HOXA7: variants seen among roughly 807,000 people sequenced by gnomAD.
HOXA7 encodes homeobox protein Hox-A7.
A neutral mutation model predicts 16.8 loss-of-function variants in HOXA7; 16 were observed. The observed-to-expected ratio is 0.95, with a 90% CI of 0.64 to 1.44. The LOEUF (loss-of-function observed/expected upper bound fraction) is 1.44, where lower values mean the gene tolerates loss of function less well. Ranked by LOEUF, HOXA7 falls within the 40% of genes most tolerant of loss-of-function variation. The pLI, the probability that HOXA7 is intolerant of heterozygous loss-of-function variation, is 0.00. For synonymous variants in HOXA7, 169 were observed against 144.3 expected (o/e 1.17, Z -1.23); for missense variants, 379 against 328.6 (o/e 1.15, Z -1.19).
Position 27,154,969 on chromosome 7 carries a change from A to G in HOXA7, c.633T>C (p.Ala211=). ...CCTCCTCGTCGGCCTTGTCCGCGGCAGCAGTGGCGGCGGCAGAGGGCACGG... is the reference window on the plus strand; with the variant it reads ...CCTCCTCGTCGGCCTTGTCCGCGGCGGCAGTGGCGGCGGCAGAGGGCACGG... ...EGAVPSAAAT[A]AADKADEEDD... is the part of the protein sequence containing the mutation. Residue 211 remains alanine (A), a synonymous_variant, in exon 2 of 2, where the codon GCT becomes GCC. Coordinates refer to ENST00000242159, the MANE Select transcript of HOXA7 (RefSeq NM_006896.4). 1 of 1,613,244 alleles carries G rather than the reference A, an allele frequency of 6.2e-7. No homozygotes were observed. The highest frequency in any genetic ancestry group is 8.5e-7 in the Non-Finnish European group (1 of 1,179,448).
Position 27,156,314 on chromosome 7 carries a change from C to A in HOXA7, c.232G>T (p.Gly78Cys). Residue 78 changes from glycine (G) to cysteine (C), a missense_variant, in exon 1 of 2, where the codon GGC becomes TGC. Transcript: ENST00000242159. ...TCGTAGGAGGCGCAGGGCAGGTTGC[C>A]GTAGGCGTCGGCGCCCAGGCCGTAG... Reference protein sequence around the residue: ...SGYGLGADAYGNLPCASYDQN... With the variant: ...SGYGLGADAYCNLPCASYDQN... The A allele has an allele frequency of 6.2e-7, 1 of 1,613,908 alleles. No individual in the cohort carries two copies. Among genetic ancestry groups the A allele is most frequent in the Non-Finnish European group, 8.5e-7 (1 of 1,179,958 alleles).
In HOXA7 at chr7:27,156,587, G is replaced by T. The variant is rs909321978; in HGVS notation, c.-42C>A. On this transcript the variant is annotated 5_prime_UTR_variant, in exon 1 of 2. Coordinates refer to ENST00000242159, the MANE Select transcript of HOXA7 (RefSeq NM_006896.4). ...TTGTTGTCCGGCAGCTTTCAGTGTC[G>T]GTTTTACGAGGTAGAGTGATATATG... 6.5e-7 allele frequency: 1 copy of T among 1,532,698 alleles called. No homozygotes were observed. The highest frequency in any genetic ancestry group is 8.8e-7 in the Non-Finnish European group (1 of 1,136,842). 94.9% of individuals were successfully genotyped at this position (1,532,698 alleles called of 1,614,324 possible). A position where few individuals can be genotyped will look rare whatever the true frequency, so the allele number is the denominator to read the frequency against.
intron 1 of HOXA7, chr7:27,155,816 G>T (rs1262163971): frequency 1.4e-5 from 3 of 211,126 alleles, no homozygotes; most frequent in Non-Finnish European, 2.8e-5. Flanking sequence ...GAAGAAGAAA[G>T]GGAGGGAGGG....
Position 27,156,524 on chromosome 7 carries a change from T to C in HOXA7, c.22A>G (p.Asn8Asp), listed in dbSNP as rs758495730. 12 of 1,584,836 alleles carry C rather than the reference T, an allele frequency of 7.6e-6. No homozygotes were observed. Among genetic ancestry groups the C allele is most frequent in the Non-Finnish European group, 8.6e-6 (10 of 1,163,562 alleles). Residue 8 changes from asparagine to aspartate, a missense_variant, in exon 1 of 2, where the codon AAC becomes GAC. Coordinates refer to ENST00000242159, the MANE Select transcript of HOXA7 (RefSeq NM_006896.4). MSSSYYV[N>D]ALFSKYTAGA... is the part of the protein sequence containing the mutation. ...GCCGTATATTTGCTAAAAAGCGCGT[T>C]CACATAATACGAAGAACTCATAATT...
chr7:27,154,853 T>C lies in HOXA7; in HGVS notation c.*56A>G. 4.6e-6 allele frequency: 7 copies of C among 1,531,746 alleles called. No individual in the cohort carries two copies. Among genetic ancestry groups the C allele is most frequent in the South Asian group, 2.5e-5 (2 of 78,562 alleles). The allele number at this position is 1,531,746 out of a possible 1,614,324, so 94.9% of individuals were successfully genotyped here. A position where few individuals can be genotyped will look rare whatever the true frequency, so the allele number is the denominator to read the frequency against. On this transcript the variant is annotated 3_prime_UTR_variant, in exon 2 of 2. Coordinates refer to ENST00000242159, the MANE Select transcript of HOXA7 (RefSeq NM_006896.4). ...CATTTTTGTAAGTAAAACCAGTGAG[T>C]CTCTTAAAGACGCTTTTCCGACTGT...
rs1179094419 is a variant in HOXA7, at chr7:27,156,546, A to T, written c.-1T>A. 3 of 1,563,666 alleles carry T rather than the reference A, an allele frequency of 1.9e-6. No homozygotes were observed. Among genetic ancestry groups the T allele is most frequent in the Admixed American group, 1.9e-5 (1 of 53,062 alleles). On this transcript the variant is annotated 5_prime_UTR_variant, in exon 1 of 2. Transcript: ENST00000242159. ...CGTTCACATAATACGAAGAACTCATAATTTTGACCTGTGATTTGTTGTCCG... is the reference window on the plus strand; with the variant it reads ...CGTTCACATAATACGAAGAACTCATTATTTTGACCTGTGATTTGTTGTCCG...
At position 27,156,673 on chromosome 7, in the gene HOXA7, A is replaced by G. The variant is rs1289769615; in HGVS notation, c.-128T>C. 2.9e-6 allele frequency: 3 copies of G among 1,019,944 alleles called. No homozygotes were observed. Among genetic ancestry groups the G allele is most frequent in the Non-Finnish European group, 1.4e-6 (1 of 701,614 alleles). 63.2% of individuals were successfully genotyped at this position (1,019,944 alleles called of 1,614,324 possible). On this transcript the variant is annotated 5_prime_UTR_variant, in exon 1 of 2. Transcript: ENST00000242159. ...TTTTCTTTTGGACGGAGCTCGCCGC[A>G]GCACGTGACCGCCCACATGACCGCC...
At position 27,156,296 on chromosome 7, in the gene HOXA7, A is replaced by C. The variant is rs144742215; in HGVS notation, c.250T>G (p.Ser84Ala). The change falls in exon 1 of 2, where the codon TCC becomes GCC. Residue 84 changes from serine to alanine, a missense_variant. By Grantham distance (99) the Ser-to-Ala change is moderately conservative. Coordinates refer to ENST00000242159, the MANE Select transcript of HOXA7 (RefSeq NM_006896.4). ...AGCCCGGGGATGTTTTGGTCGTAGG[A>C]GGCGCAGGGCAGGTTGCCGTAGGCG... ...ADAYGNLPCA[S>A]YDQNIPGLCS... 2 of 1,613,744 alleles carry C rather than the reference A, an allele frequency of 1.2e-6. No homozygotes were observed. The highest frequency in any genetic ancestry group is 2.2e-5 in the East Asian group (1 of 44,878).
intron 1 of HOXA7, 135 bp from the exon 2 acceptor site, chr7:27,155,357 G>A (rs992699178): frequency 2.5e-6 from 2 of 807,686 alleles, no homozygotes; most frequent in Non-Finnish European, 4.0e-6. Flanking sequence ...CCCAGGCCCC[G>A]AACTGAGCTA....
Position 27,154,922 on chromosome 7 carries a change from T to A in HOXA7, c.680A>T (p.Asp227Val). The A allele has an allele frequency of 6.2e-7, 1 of 1,609,408 alleles. No individual in the cohort carries two copies. Among genetic ancestry groups the A allele is most frequent in the South Asian group, 1.1e-5 (1 of 90,958 alleles). Residue 227 changes from aspartate to valine, a missense_variant, in exon 2 of 2, where the codon GAC (aspartate) becomes GTC (valine). By Grantham distance (152) the Asp-to-Val change is radical (BLOSUM62 -3). Transcript: ENST00000242159. Reference sequence around the variant, plus strand: ...CGGATCGGCCCCTCATTCCTCCTCGTCTTCCTCTTCTTCATCATCGTCCTC... The same window carrying A: ...CGGATCGGCCCCTCATTCCTCCTCGACTTCCTCTTCTTCATCATCGTCCTC... ...DEEDDDEEEE[D>V]EEE
intron 1 of HOXA7, 165 bp downstream of exon 1, chr7:27,156,002 C>T (rs2128066280): frequency 2.5e-6 from 2 of 797,558 alleles, no homozygotes; most frequent in Non-Finnish European, 3.5e-6. Flanking sequence ...GCCTCCGCTC[C>T]AATTAAAACC....
rs371532380 is a variant in HOXA7 at position 27,156,508 on chromosome 7, T to C, written c.38A>G (p.Lys13Arg). 3.8e-5 allele frequency: 61 copies of C among 1,587,008 alleles called. No individual in the cohort carries two copies. The highest frequency in any genetic ancestry group is 5.2e-5 in the Non-Finnish European group (61 of 1,164,288). Reference sequence around the variant, plus strand: ...GAACAGAGAAGCCCCCGCCGTATATTTGCTAAAAAGCGCGTTCACATAATA... The same window carrying C: ...GAACAGAGAAGCCCCCGCCGTATATCTGCTAAAAAGCGCGTTCACATAATA... Reference protein sequence around the residue: ...SSYYVNALFSKYTAGASLFQN... With the variant: ...SSYYVNALFSRYTAGASLFQN... Residue 13 changes from lysine to arginine, a missense_variant, in exon 1 of 2, where the codon AAA (lysine) becomes AGA (arginine). By Grantham distance (26) the Lys-to-Arg change is conservative. Coordinates refer to ENST00000242159, the MANE Select transcript of HOXA7 (RefSeq NM_006896.4).
In HOXA7 at chr7:27,154,672, A is replaced by G; in HGVS notation, c.*237T>C. On this transcript the variant is annotated 3_prime_UTR_variant, in exon 2 of 2. Coordinates refer to ENST00000242159, the MANE Select transcript of HOXA7 (RefSeq NM_006896.4). ...TGGGGGTGTCTTTTGGGGTCCTCGG[A>G]GGCAGAGGGAATCCAAGGCGACCCA... is the stretch of plus-strand genomic sequence containing the variant. 3 of 593,140 alleles carry G rather than the reference A, an allele frequency of 5.1e-6. No individual in the cohort carries two copies. Among genetic ancestry groups the G allele is most frequent in the Non-Finnish European group, 2.8e-6 (1 of 352,326 alleles). 36.7% of individuals were successfully genotyped at this position (593,140 alleles called of 1,614,324 possible).
At position 27,154,932 on chromosome 7, in the gene HOXA7, C is replaced by A; in HGVS notation, c.670G>T (p.Glu224Ter). ...CCTCATTCCTCCTCGTCTTCCTCTT[C>A]TTCATCATCGTCCTCCTCGTCGGCC... ...DKADEEDDDE[E>*]EEDEEE Residue 224 changes from glutamate to a stop codon, truncating the protein, a stop_gained, in exon 2 of 2, where the codon GAA becomes TAA. Coordinates refer to ENST00000242159, the MANE Select transcript of HOXA7 (RefSeq NM_006896.4). LOFTEE classifies it high-confidence loss of function. The A allele has an allele frequency of 6.2e-7, 1 of 1,611,244 alleles. No individual in the cohort carries two copies. The highest frequency in any genetic ancestry group is 1.3e-5 in the African/African-American group (1 of 74,932).
At position 27,156,375 on chromosome 7, in the gene HOXA7, G is replaced by A. The variant is rs117316017; in HGVS notation, c.171C>T (p.Val57=). ...FASTVPGLYN[V]NSPLYQSPFA... ...AGGGGCTCTGATAAAGGGGGCTGTT[G>A]ACATTGTATAAGCCCGGAACGGTCG... The change falls in exon 1 of 2, where the codon GTC becomes GTT. Residue 57 remains valine, a synonymous_variant. Transcript: ENST00000242159. The A allele has an allele frequency of 3.8e-3, 6,070 of 1,613,954 alleles. 15 individuals carry two copies. Among genetic ancestry groups the A allele is most frequent in the Non-Finnish European group, 4.5e-3 (5,359 of 1,179,894 alleles).
Position 27,154,836 on chromosome 7 carries a change from TA to T in HOXA7, c.*72del, listed in dbSNP as rs1468861243. 4.6e-6 allele frequency: 7 copies of T among 1,510,014 alleles called. No homozygotes were observed. In the East Asian group the frequency reaches 1.6e-4, roughly 35 times the overall value. 93.5% of individuals were successfully genotyped at this position (1,510,014 alleles called of 1,614,324 possible). On this transcript the variant is annotated 3_prime_UTR_variant, in exon 2 of 2. Transcript: ENST00000242159. ...TTTTCTTTTATTTTTCCCATTTTTG[TA>T]AGTAAAACCAGTGAGTCTCTTAAAG...
At position 27,153,944 on chromosome 7, in the gene HOXA7, C is replaced by G. The variant is rs1399188504; in HGVS notation, c.*965G>C. ...AACACATCCTTTCCAAGTCAAGACA[C>G]TGCCTTACAAATGAACTCCAAGACT... On this transcript the variant is annotated 3_prime_UTR_variant, in exon 2 of 2. Coordinates refer to ENST00000242159, the MANE Select transcript of HOXA7 (RefSeq NM_006896.4). 2 of 152,646 alleles carry G rather than the reference C, an allele frequency of 1.3e-5. No individual in the cohort carries two copies. The allele number at this position is 152,646 out of a possible 1,614,324, so 9.5% of individuals were successfully genotyped here. A position where few individuals can be genotyped will look rare whatever the true frequency, so the allele number is the denominator to read the frequency against.
At position 27,155,245 on chromosome 7, in the gene HOXA7, A is replaced by G; in HGVS notation, c.380-23T>C. On this transcript the variant is annotated intron_variant, in intron 1 of 1. Coordinates refer to ENST00000242159, the MANE Select transcript of HOXA7 (RefSeq NM_006896.4). Reference sequence around the variant, plus strand: ...GTCCTGAGAACAGACATGCAGACACATGAACACAAGGACAGACAAGTAGAC... The same window carrying G: ...GTCCTGAGAACAGACATGCAGACACGTGAACACAAGGACAGACAAGTAGAC... 3.7e-6 allele frequency: 6 copies of G among 1,609,844 alleles called. No individual in the cohort carries two copies. The East Asian group carries it at 8.9e-5, about 24-fold the overall frequency.
chr7:27,154,052 G>C lies in HOXA7; in HGVS notation c.*857C>G, dbSNP rs1265937371. On this transcript the variant is annotated 3_prime_UTR_variant, in exon 2 of 2. Coordinates refer to ENST00000242159, the MANE Select transcript of HOXA7 (RefSeq NM_006896.4). ...CATCAGGGCGTACATATTTAACACA[G>C]CTGAACAGTAAGATACAGGAGCCAG... 2 of 152,402 alleles carry C rather than the reference G, an allele frequency of 1.3e-5. No homozygotes were observed. Among genetic ancestry groups the C allele is most frequent in the African/African-American group, 4.8e-5 (2 of 41,480 alleles). The allele number at this position is 152,402 out of a possible 1,614,324, so 9.4% of individuals were successfully genotyped here.
Sources: allele counts gnomAD v4.1 joint callset, GRCh38; gene constraint gnomAD v4.1.1; transcripts MANE v1.5; gene names NCBI Gene and HGNC (gene_info 2026-07-23, HGNC 2026-07-21).